The following STAT2 variants were observed in gnomAD, a reference collection of about 807,000 sequenced individuals.
STAT2 encodes interferon alpha induced transcriptional activator.
STAT2 carries 51 observed loss-of-function variants against 122.3 expected under a neutral mutation model. The ratio of observed to expected loss-of-function variants is 0.42; its 90% CI spans 0.33 to 0.53. The LOEUF (loss-of-function observed/expected upper bound fraction) is 0.53, where lower values mean the gene tolerates loss of function less well. Ranked by LOEUF, STAT2 falls within the 20% of genes least tolerant of loss-of-function variation. The pLI, the probability that STAT2 is intolerant of heterozygous loss-of-function variation, is 0.10. For synonymous variants in STAT2, 351 were observed against 394.9 expected (o/e 0.89, Z 1.32); for missense variants, 736 against 1,010.3 (o/e 0.73, Z 3.68).
intron 6 of STAT2, 147 bp downstream of exon 6, chr12:56,355,129 C>T (rs1879304813): frequency 2.1e-6 from 2 of 956,110 alleles, no homozygotes; most frequent in African/African-American, 1.6e-5. Context: ...CCACAAAGCA[C>T]TTCCAGCTTT....
At position 56,349,143 on chromosome 12, in the gene STAT2, T is replaced by A; in HGVS notation, c.1440+20A>T. 1.2e-6 allele frequency: 2 copies of A among 1,614,096 alleles called. No homozygotes were observed. Among genetic ancestry groups the A allele is most frequent in the Non-Finnish European group, 1.7e-6 (2 of 1,179,998 alleles). Reference sequence around the variant, plus strand: ...ACACCCCTCCTCTCGCGCCTTGACCTGTCGGCCCCACTCCCCTACCTGAAG... The same window carrying A: ...ACACCCCTCCTCTCGCGCCTTGACCAGTCGGCCCCACTCCCCTACCTGAAG... On this transcript the variant is annotated intron_variant, in intron 16 of 23. Coordinates refer to ENST00000314128, the MANE Select transcript of STAT2 (RefSeq NM_005419.4).
At chr12:56,346,344 A>C in intron 21 of STAT2, 98 bp downstream of exon 21, 1 of 1,556,068 alleles carries the variant, frequency 6.4e-7, no homozygotes, top group Non-Finnish European at 8.8e-7. Flanking sequence ...TAATTCCTCT[A>C]GATATCAGTT....
At chr12:56,346,982 C>T in intron 19 of STAT2, 27 bp from the exon 20 acceptor site, 4 of 1,608,650 alleles carry the variant, frequency 2.5e-6, no homozygotes, top group Non-Finnish European at 3.4e-6. Context: ...AGCTGTGAGA[C>T]ACCGCCCAAC....
intron 19 of STAT2, 73 bp downstream of exon 19, chr12:56,348,456 G>A (rs774786035): frequency 1.5e-4 from 220 of 1,489,944 alleles, no homozygotes; most frequent in Non-Finnish European, 1.9e-4. Context: ...TGCTTGCCAC[G>A]TGAGGGTGCA....
chr12:56,351,482 A>G lies in STAT2; in HGVS notation c.783-32T>C, dbSNP rs769514813. 5.6e-6 allele frequency: 9 copies of G among 1,604,538 alleles called. No homozygotes were observed. The East Asian group carries it at 8.9e-5, about 16-fold the overall frequency. ...GATAAAATTCAGGAAGAAGGAATCC[A>G]TGAGTTTCCTGGATTCCCCCATCCA... On this transcript the variant is annotated intron_variant, in intron 8 of 23. Coordinates refer to ENST00000314128, the MANE Select transcript of STAT2 (RefSeq NM_005419.4).
intron 19 of STAT2, 134 bp from the exon 20 acceptor site, chr12:56,347,089 C>T (rs937191602): frequency 8.2e-6 from 11 of 1,347,410 alleles, no homozygotes; most frequent in Admixed American, 2.6e-5. Context: ...TGCCACTTAG[C>T]TTTTTTTTAT....
chr12:56,356,380 C>T, intron 2 of STAT2, 61 bp downstream of exon 2: 1 of 1,607,664 alleles, frequency 6.2e-7, no homozygotes, highest in South Asian at 1.1e-5. Context: ...ATTCCAGGAT[C>T]CCGGGGGCCC....
rs1306116130 is a variant in STAT2, at chr12:56,348,746, A to G, written c.1629+6T>C. 6.2e-7 allele frequency: 1 copy of G among 1,614,184 alleles called. No homozygotes were observed. The highest frequency in any genetic ancestry group is 1.1e-5 in the South Asian group (1 of 91,080). ...TCCAGCAGCTCCACAGGATTCAGGG[A>G]GTTACCTTAGTGAAGTCAGCCCAGG... On this transcript the variant is annotated splice_donor_region_variant and intron_variant, in intron 18 of 23. Transcript: ENST00000314128.
At chr12:56,347,196 T>C (rs534848235) in intron 19 of STAT2, among the ~76,000 whole-genome samples, 2 of 152,254 alleles carry the variant, frequency 1.3e-5, no homozygotes, top group African/African-American at 2.4e-5. Flanking sequence ...AGCACTTTTT[T>C]TTTTTTCTGG....
chr12:56,354,339 C>G, intron 8 of STAT2, 127 bp downstream of exon 8: 2 of 1,437,692 alleles, frequency 1.4e-6, no homozygotes, highest in Non-Finnish European at 1.9e-6. Context: ...CTGCAGTCAG[C>G]AGGGAGCAGG....
intron 23 of STAT2, 65 bp downstream of exon 23, chr12:56,343,760 G>C (rs758238475): frequency 1.2e-5 from 19 of 1,588,040 alleles, no homozygotes; most frequent in Middle Eastern, 1.7e-4. Flanking sequence ...TTCTGTAATG[G>C]GAGAGGGAGA....
In STAT2 at chr12:56,346,550, G is replaced by A. The variant is rs763862558; in HGVS notation, c.1936C>T (p.Arg646Cys). Residue 646 changes from arginine (R) to cysteine (C), a missense_variant, in exon 21 of 24, where the codon CGC becomes TGC. Transcript: ENST00000314128. ...TCCTCAGTGAGCAACTGGTAATGGC[G>A]GATGATTTCAGTCAGCGGGAGTGAC... ...LQSLPLTEII[R>C]HYQLLTEENI... 64 of 1,614,078 alleles carry A rather than the reference G, an allele frequency of 4.0e-5. 1 individual carries two copies. Among genetic ancestry groups the A allele is most frequent in the South Asian group, 2.4e-4 (22 of 91,084 alleles).
intron 10 of STAT2, 41 bp from the exon 11 acceptor site, chr12:56,350,929 A>C: frequency 6.2e-7 from 1 of 1,608,796 alleles, no homozygotes; most frequent in Non-Finnish European, 8.5e-7. Context: ...GGTCAACCTC[A>C]ACCTTCCGGA....
intron 1 of STAT2, among the ~76,000 whole-genome samples, chr12:56,358,246 T>A (rs1879829012): frequency 6.6e-6 from 1 of 151,292 alleles, no homozygotes; most frequent in East Asian, 1.9e-4. Context: ...TTTTTTCTTT[T>A]TTTTTTTTTC....
At chr12:56,359,554 G>C (rs183410023) in intron 1 of STAT2, among the ~76,000 whole-genome samples, 1 of 152,272 alleles carries the variant, frequency 6.6e-6, no homozygotes, top group Admixed American at 6.5e-5. Context: ...CTGAGGTTAA[G>C]GGCTGAAACA....
chr12:56,350,395 C>G lies in STAT2; in HGVS notation c.1115+17G>C. 13 of 1,603,262 alleles carry G rather than the reference C, an allele frequency of 8.1e-6. No homozygotes were observed. The highest frequency in any genetic ancestry group is 1.1e-5 in the Non-Finnish European group (13 of 1,176,178). On this transcript the variant is annotated intron_variant, in intron 12 of 23. Transcript: ENST00000314128. Reference sequence around the variant, plus strand: ...TACACTGTACAGATGTTTGCAGTGTCCTTGTCAAGCACCTACCCTTGTAAT... The same window carrying G: ...TACACTGTACAGATGTTTGCAGTGTGCTTGTCAAGCACCTACCCTTGTAAT...
Position 56,345,524 on chromosome 12 carries a change from A to AATATATATATATATATATATAT in STAT2, c.2102+621_2102+622insATATATATATATATATATATAT, listed in dbSNP as rs1555169411. Among the ~76,000 whole-genome samples, 159 of 26,140 alleles carry AATATATATATATATATATATAT rather than the reference A, an allele frequency of 6.1e-3. 1 individual carries two copies. Among genetic ancestry groups the AATATATATATATATATATATAT allele is most frequent in the African/African-American group, 0.013 (25 of 1,862 alleles). The allele number at this position is 26,140 out of a possible 152,430, so 17.1% of individuals were successfully genotyped here. A position where few individuals can be genotyped will look rare whatever the true frequency, so the allele number is the denominator to read the frequency against. ...AAAAAAAAAAAAAAAAAAAAAAAAA[A>AATATATATATATATATATATAT]ATATATATATATGCGGGGTGTGGTG... On this transcript the variant is annotated intron_variant, in intron 22 of 23. Transcript: ENST00000314128.
rs781239655 is a variant in STAT2, at chr12:56,354,541, T to C, written c.707A>G (p.Glu236Gly). 1.9e-6 allele frequency: 3 copies of C among 1,614,168 alleles called. No individual in the cohort carries two copies. The East Asian group carries it at 6.7e-5, about 36-fold the overall frequency. ...TLIELLLPKL[E>G]EWKAQQQKAC... ...TTTTTGCTGCTGGGCCTTCCACTCC[T>C]CCAACTTTGGCAGCAGTAGCTCGAT... Residue 236 changes from glutamate to glycine, a missense_variant, in exon 8 of 24, where the codon GAG becomes GGG. By Grantham distance (98) the Glu-to-Gly change is moderately conservative (BLOSUM62 -2). Coordinates refer to ENST00000314128, the MANE Select transcript of STAT2 (RefSeq NM_005419.4).
chr12:56,355,384 T>A (rs899930989), intron 5 of STAT2, 33 bp from the exon 6 acceptor site: 2 of 1,614,068 alleles, frequency 1.2e-6, no homozygotes, highest in Non-Finnish European at 1.7e-6. Context: ...ATGAGGCTGC[T>A]TCTCAGGGAG....
Sources: allele counts gnomAD v4.1 joint callset (sites outside exome capture counted in the v4.1 genomes callset), GRCh38; gene constraint gnomAD v4.1.1; transcripts MANE v1.5; gene names NCBI Gene and HGNC (gene_info 2026-07-23, HGNC 2026-07-21).